The following FLNA variants were observed in gnomAD, a reference collection of about 807,000 sequenced individuals.
The protein encoded by FLNA is filamin-A.
A neutral mutation model predicts 157.6 loss-of-function variants in FLNA; 7 were observed. The observed-to-expected ratio is 0.04, with a 90% CI of 0.03 to 0.08. The LOEUF is 0.08. Ranked by LOEUF, FLNA falls within the 10% of genes least tolerant of loss-of-function variation. The pLI is 1.00. For missense variants in FLNA, 1,750 were observed against 2,398.4 expected (o/e 0.73, Z 5.65); for synonymous variants, 1,103 against 1,060.8 (o/e 1.04, Z -0.77).
At chrX:154,368,380 G>C (rs1259597242) in intron 2 of FLNA, among the ~76,000 whole-genome samples, 1 of 112,241 alleles carries the variant, frequency 8.9e-6, no homozygotes, top group Admixed American at 9.3e-5. Flanking sequence ...GAAGGGCAGA[G>C]GGCAGACCCA....
Position 154,371,191 on chromosome X carries a change from C to T in FLNA, c.55G>A (p.Gly19Ser), listed in dbSNP as rs1557180253. 2 of 1,194,639 alleles carry T rather than the reference C, an allele frequency of 1.7e-6. No homozygotes were observed. The highest frequency in any genetic ancestry group is 3.5e-5 in the African/African-American group (2 of 57,782). Residue 19 changes from glycine to serine, a missense_variant, in exon 2 of 48, where the codon GGC becomes AGC. Physicochemically the swap from Gly to Ser is moderately conservative, Grantham distance 56 (BLOSUM62 0). Around this residue, in one of 5 missense-constraint regions of FLNA, gnomAD observed 58 missense variants for 27.8 expected, o/e 2.09. Coordinates refer to ENST00000369850, the MANE Select transcript of FLNA (RefSeq NM_001110556.2). ...TCGGCGTCCCGCGTGTCGACGCCGC[C>T]GCCCGGAGCCGCGCCTGCTGCGCTC... Reference protein sequence around the residue: ...GQSAAGAAPGGGVDTRDAEMP... With the variant: ...GQSAAGAAPGSGVDTRDAEMP...
intron 30 of FLNA, among the ~76,000 whole-genome samples, chrX:154,355,509 G>A (rs782137402): frequency 6.2e-5 from 7 of 113,359 alleles, no homozygotes; most frequent in Non-Finnish European, 1.1e-4. Context: ...GCGGAGTCCT[G>A]CTGCAGCGTG....
chrX:154,358,712 C>T, intron 26 of FLNA, 144 bp from the exon 27 acceptor site: 1 of 795,914 alleles, frequency 1.3e-6, no homozygotes, highest in Non-Finnish European at 1.9e-6. Flanking sequence ...GCCTTGACCC[C>T]CTCTGGCACG....
At chrX:154,360,642 T>A in intron 21 of FLNA, 55 bp from the exon 22 acceptor site, 1 of 1,068,181 alleles carries the variant, frequency 9.4e-7, no homozygotes, top group Non-Finnish European at 1.3e-6. Context: ...ATCCCAGACC[T>A]CCTGCTTGAC....
At chrX:154,357,673 G>A (rs1557177131) in intron 28 of FLNA, 50 bp from the exon 29 acceptor site, 12 of 1,127,005 alleles carry the variant, frequency 1.1e-5, no homozygotes, top group Non-Finnish European at 1.5e-5. Context: ...GAGTAGCCCC[G>A]GGCCTGCCTC....
In FLNA at chrX:154,357,495, G is replaced by A; in HGVS notation, c.4884C>T (p.Pro1628=). The stretch of plus-strand genomic sequence containing the variant: ...CGGCACGCACGCGGTACGGGGAGAA[G>A]GGGATCTCGTCACCACCGTACTTGA... The part of the protein sequence containing the change: ...ILIKYGGDEI[P]FSPYRVRAVP... Residue 1628 remains proline (P), a synonymous_variant, in exon 29 of 48, where the codon CCC becomes CCT. Coordinates refer to ENST00000369850, the MANE Select transcript of FLNA (RefSeq NM_001110556.2). 4 of 1,212,054 alleles carry A rather than the reference G, an allele frequency of 3.3e-6. No homozygotes were observed. The highest frequency in any genetic ancestry group is 3.0e-5 in the East Asian group (1 of 33,870).
chrX:154,352,354 C>T lies in FLNA; in HGVS notation c.6596G>A (p.Cys2199Tyr). 2 of 1,212,103 alleles carry T rather than the reference C, an allele frequency of 1.7e-6. No individual in the cohort carries two copies. The highest frequency in any genetic ancestry group is 3.5e-5 in the South Asian group (2 of 57,053). The change falls in exon 41 of 48, where the codon TGC (cysteine) becomes TAC (tyrosine). Residue 2199 changes from cysteine to tyrosine, a missense_variant. By Grantham distance (194) the Cys-to-Tyr change is radical. This residue lies in a region of FLNA where 970 missense variants were observed against 1,302.6 expected (regional missense o/e 0.74). Transcript: ENST00000369850. ...EIVEGENHTY[C>Y]IRFVPAEMGT... ...CATCTCAGCGGGAACAAAGCGGATG[C>T]AGTAGGTGTGGTTCTCCCCTTCCAC...
chrX:154,367,806 C>A (rs781980335), intron 3 of FLNA, 36 bp downstream of exon 3: 2 of 1,208,888 alleles, frequency 1.7e-6, no homozygotes, highest in Admixed American at 4.4e-5. Context: ...CATGGGTGAC[C>A]CCAGCCCAGT....
intron 32 of FLNA, 60 bp downstream of exon 32, chrX:154,354,550 GTAAACT>G: frequency 8.5e-7 from 1 of 1,173,595 alleles, no homozygotes; most frequent in Non-Finnish European, 1.2e-6. Context: ...CTCACACATG[GTAAACT>G]AGGGGCTCAC....
At chrX:154,361,921 C>T in intron 19 of FLNA, 58 bp downstream of exon 19, 1 of 1,173,650 alleles carries the variant, frequency 8.5e-7, no homozygotes, top group Non-Finnish European at 1.2e-6. Flanking sequence ...GAGCTGTCCC[C>T]TAGGCTGCTG....
In FLNA at chrX:154,367,351, G is replaced by A. The variant is rs1557179522; in HGVS notation, c.868+46C>T. The A allele has an allele frequency of 2.5e-6, 3 of 1,194,834 alleles. No homozygotes were observed. The East Asian group carries it at 8.9e-5, about 35-fold the overall frequency. ...CGTTTAGATGGGACACTGTCTTATG[G>A]GGAAGACGTTGGCACACGGGTGCAC... On this transcript the variant is annotated intron_variant, in intron 5 of 47. Coordinates refer to ENST00000369850, the MANE Select transcript of FLNA (RefSeq NM_001110556.2).
At chrX:154,350,803 G>A in intron 44 of FLNA, 106 bp downstream of exon 44, 3 of 982,040 alleles carry the variant, frequency 3.1e-6, no homozygotes, top group Non-Finnish European at 4.3e-6. Flanking sequence ...GGGCCCAGGA[G>A]TTGGGGCCCC....
Position 154,366,104 on chromosome X carries a change from A to G in FLNA, c.1349T>C (p.Met450Thr), listed in dbSNP as rs1360400826. 5.0e-6 allele frequency: 6 copies of G among 1,209,358 alleles called. No individual in the cohort carries two copies. Among genetic ancestry groups the G allele is most frequent in the Non-Finnish European group, 6.7e-6 (6 of 895,116 alleles). ...GACGTGCACGGTGTGGACGCCCTCCATGGTGGGCTGGTAGCTGCAGCGGTA... is the reference window on the plus strand; with the variant it reads ...GACGTGCACGGTGTGGACGCCCTCCGTGGTGGGCTGGTAGCTGCAGCGGTA... ...STYRCSYQPT[M>T]EGVHTVHVTF... The change falls in exon 9 of 48, where the codon ATG becomes ACG. Residue 450 changes from methionine to threonine, a missense_variant. This residue lies in a region of FLNA where 648 missense variants were observed against 805.8 expected (regional missense o/e 0.80). Transcript: ENST00000369850.
chrX:154,353,591 C>T lies in FLNA; in HGVS notation c.5823G>A (p.Gln1941=). The T allele has an allele frequency of 8.3e-7, 1 of 1,211,903 alleles. No individual in the cohort carries two copies. The highest frequency in any genetic ancestry group is 1.1e-6 in the Non-Finnish European group (1 of 895,514). ...CAGTGAAGGGGCTGCCTGGGACGTG[C>T]TGTTCATTGTACTTGACTAGAATGC... ...DYSILVKYNE[Q]HVPGSPFTAR... is the part of the protein sequence containing the mutation. The change falls in exon 36 of 48, where the codon CAG becomes CAA. Residue 1941 remains glutamine, a synonymous_variant. Coordinates refer to ENST00000369850, the MANE Select transcript of FLNA (RefSeq NM_001110556.2).
At chrX:154,361,597 G>C (rs782290555) in intron 20 of FLNA, 27 bp from the exon 21 acceptor site, 1 of 1,211,429 alleles carries the variant, frequency 8.3e-7, no homozygotes. Flanking sequence ...AGGAAGGAGA[G>C]AGACATGACA....
rs934255183 is a variant in FLNA, at chrX:154,371,295, A to C, written c.-50T>G. 15 of 1,178,982 alleles carry C rather than the reference A, an allele frequency of 1.3e-5. No homozygotes were observed. The highest frequency in any genetic ancestry group is 2.9e-4 in the Middle Eastern group (1 of 3,408). On this transcript the variant is annotated 5_prime_UTR_variant, in exon 2 of 48. Transcript: ENST00000369850. Reference sequence around the variant, plus strand: ...GCGGTGCTGCAGCCTCGGCGAGGGGACGGCCCTTTAATTAAAGTCGCAGGC... The same window carrying C: ...GCGGTGCTGCAGCCTCGGCGAGGGGCCGGCCCTTTAATTAAAGTCGCAGGC...
rs2067642562 is a variant in FLNA at position 154,353,958 on chromosome X, G to A, written c.5643C>T (p.Asn1881=). ...YGPGLTHGVV[N]KPATFTVNTK... is the part of the protein sequence containing the mutation. The stretch of plus-strand genomic sequence containing the variant: ...TGTTGACGGTGAAGGTGGCAGGCTT[G>A]TTCACTACTCCATGGGTGAGGCCAG... The change falls in exon 35 of 48, where the codon AAC becomes AAT. Residue 1881 remains asparagine (N), a synonymous_variant. Transcript: ENST00000369850. 5 of 1,211,980 alleles carry A rather than the reference G, an allele frequency of 4.1e-6. No homozygotes were observed. Among genetic ancestry groups the A allele is most frequent in the Non-Finnish European group, 5.6e-6 (5 of 895,303 alleles).
At chrX:154,357,739 G>T in intron 28 of FLNA, 116 bp from the exon 29 acceptor site, 1 of 689,530 alleles carries the variant, frequency 1.5e-6, no homozygotes, top group Non-Finnish European at 2.3e-6. Flanking sequence ...TGGGCCTCAG[G>T]CATCTTAACT....
Position 154,358,981 on chromosome X carries a change from C to T in FLNA, c.4474+3G>A, listed in dbSNP as rs1286863443. 4.1e-6 allele frequency: 5 copies of T among 1,210,877 alleles called. No individual in the cohort carries two copies. The East Asian group carries it at 1.2e-4, about 29-fold the overall frequency. ...CCCTGGCTCCAGGCATGCAAACACTCACCTTTGGGCCCTTGCACTTTGACC... is the reference window on the plus strand; with the variant it reads ...CCCTGGCTCCAGGCATGCAAACACTTACCTTTGGGCCCTTGCACTTTGACC... On this transcript the variant is annotated splice_donor_region_variant and intron_variant, in intron 26 of 47. Coordinates refer to ENST00000369850, the MANE Select transcript of FLNA (RefSeq NM_001110556.2).
Sources: allele counts gnomAD v4.1 joint callset (sites outside exome capture counted in the v4.1 genomes callset), GRCh38; gene constraint gnomAD v4.1.1; regional missense constraint gnomAD v4.1.1; transcripts MANE v1.5; gene names NCBI Gene and HGNC (gene_info 2026-07-23, HGNC 2026-07-21).